The following PAPOLG variants were observed in gnomAD, a reference collection of about 807,000 sequenced individuals.
PAPOLG encodes the protein poly(A) polymerase gamma.
In PAPOLG, 40 loss-of-function variants were observed where a neutral mutation model predicts 99.0. That is an observed-to-expected ratio of 0.40 (90% CI 0.31 to 0.53). PAPOLG has a LOEUF of 0.53. PAPOLG is among the 20% of genes least tolerant of loss of function. The pLI, the probability that PAPOLG is intolerant of heterozygous loss-of-function variation, is 0.41. For synonymous variants in PAPOLG, 310 were observed against 299.3 expected (o/e 1.04, Z -0.37); for missense variants, 675 against 884.1 (o/e 0.76, Z 3.00).
chr2:60,768,745 A>G (rs1265393635), intron 4 of PAPOLG, 36 bp from the exon 5 acceptor site: 1 of 1,475,766 alleles, frequency 6.8e-7, no homozygotes, highest in East Asian at 2.4e-5. Flanking sequence ...TATAACACAT[A>G]ATATATTCTT....
At chr2:60,796,208 C>CTTTTTTTTTT (rs66526788) in intron 21 of PAPOLG, among the ~76,000 whole-genome samples, 1 of 110,316 alleles carries the variant, frequency 9.1e-6, no homozygotes, top group African/African-American at 3.3e-5. Flanking sequence ...TTTTGCCTTC[C>CTTTTTTTTTT]TTTTTTTTTT....
rs1295015040 is a variant in PAPOLG, at chr2:60,797,845, A to G, written c.*685A>G. On this transcript the variant is annotated 3_prime_UTR_variant, in exon 22 of 22. Transcript: ENST00000238714. ...TCCAGTGATTACATAAGAGTTGGGC[A>G]CCATAAATTCTCTATATTTTGCCTC... 6.5e-5 allele frequency: 10 copies of G among 152,816 alleles called. No homozygotes were observed. In the Admixed American group the frequency reaches 6.5e-4, roughly 10 times the overall value. 9.5% of individuals were successfully genotyped at this position (152,816 alleles called of 1,614,324 possible).
intron 3 of PAPOLG, among the ~76,000 whole-genome samples, chr2:60,762,182 C>T (rs1573217665): frequency 6.6e-6 from 1 of 152,126 alleles, no homozygotes; most frequent in South Asian, 2.1e-4. Context: ...TCTTCCATTG[C>T]CTCATGGCCC....
intron 14 of PAPOLG, 39 bp from the exon 15 acceptor site, chr2:60,787,472 A>T: frequency 6.4e-7 from 1 of 1,563,198 alleles, no homozygotes; most frequent in Admixed American, 1.8e-5. Flanking sequence ...TGTAAAAAAT[A>T]ATAATAATTA....
rs1671617099 is a variant in PAPOLG at position 60,793,909 on chromosome 2, G to A, written c.1769-62G>A. ...CTGGGTGATGGGAATGAGAGACCCT[G>A]TCTCAAGGAAAAAAAAATTACATAA... On this transcript the variant is annotated intron_variant, in intron 18 of 21. Transcript: ENST00000238714. 8 of 1,527,120 alleles carry A rather than the reference G, an allele frequency of 5.2e-6. No individual in the cohort carries two copies. The Admixed American group carries it at 1.3e-4, about 24-fold the overall frequency. 94.6% of individuals were successfully genotyped at this position (1,527,120 alleles called of 1,614,324 possible).
chr2:60,782,020 C>T lies in PAPOLG; in HGVS notation c.1027+15C>T, dbSNP rs1220730809. The T allele has an allele frequency of 4.3e-6, 7 of 1,611,758 alleles. No individual in the cohort carries two copies. In the Admixed American group the frequency reaches 8.3e-5, roughly 19 times the overall value. Reference sequence around the variant, plus strand: ...ATTTAAACAAGGTAAACATGTGGCCCTGTTGCCCTTTACATATTCCCACAA... The same window carrying T: ...ATTTAAACAAGGTAAACATGTGGCCTTGTTGCCCTTTACATATTCCCACAA... On this transcript the variant is annotated intron_variant, in intron 11 of 21. Coordinates refer to ENST00000238714, the MANE Select transcript of PAPOLG (RefSeq NM_022894.4).
rs939802487 is a variant in PAPOLG at position 60,797,223 on chromosome 2, T to C, written c.*63T>C. The C allele has an allele frequency of 3.9e-5, 61 of 1,571,934 alleles. No homozygotes were observed. Among genetic ancestry groups the C allele is most frequent in the Admixed American group, 5.0e-5 (3 of 59,414 alleles). ...TTAGTGGCATAGATGCAGCCACTTG[T>C]TTTTTAAATAGAAGTGGCTGTCATA... On this transcript the variant is annotated 3_prime_UTR_variant, in exon 22 of 22. Coordinates refer to ENST00000238714, the MANE Select transcript of PAPOLG (RefSeq NM_022894.4).
At chr2:60,758,513 C>T (rs912294108) in intron 1 of PAPOLG, among the ~76,000 whole-genome samples, 5 of 147,090 alleles carry the variant, frequency 3.4e-5, no homozygotes, top group African/African-American at 1.3e-4. Flanking sequence ...CTGCAACCTT[C>T]GTCTCCTGGG....
Position 60,756,277 on chromosome 2 carries a change from G to A in PAPOLG, c.-202G>A, listed in dbSNP as rs1172408176. 7.9e-6 allele frequency: 5 copies of A among 635,948 alleles called. No individual in the cohort carries two copies. Among genetic ancestry groups the A allele is most frequent in the Non-Finnish European group, 1.4e-5 (5 of 358,204 alleles). The allele number at this position is 635,948 out of a possible 1,614,324, so 39.4% of individuals were successfully genotyped here. A position where few individuals can be genotyped will look rare whatever the true frequency, so the allele number is the denominator to read the frequency against. On this transcript the variant is annotated 5_prime_UTR_variant, in exon 1 of 22. Coordinates refer to ENST00000238714, the MANE Select transcript of PAPOLG (RefSeq NM_022894.4). Reference sequence around the variant, plus strand: ...TGGGAAGCGGCGCCATATTGGCGTCGGCCGCGCTGTATTGTCATAAATAGA... The same window carrying A: ...TGGGAAGCGGCGCCATATTGGCGTCAGCCGCGCTGTATTGTCATAAATAGA...
intron 1 of PAPOLG, among the ~76,000 whole-genome samples, chr2:60,759,872 A>G (rs758372530): frequency 3.9e-5 from 6 of 152,202 alleles, no homozygotes; most frequent in African/African-American, 9.6e-5. Flanking sequence ...TGTTGGTACA[A>G]TTGTCTTGAT....
Position 60,760,245 on chromosome 2 carries a change from C to T in PAPOLG, c.129C>T (p.Asp43=), listed in dbSNP as rs779973799. ...IDHIYTQKLI[D]AMKPFGVFED... is the part of the protein sequence containing the mutation. ...ATATTTACACACAGAAATTAATTGA[C>T]GCCATGAAACCATTTGGAGTGTTTG... Residue 43 remains aspartate (D), a synonymous_variant, in exon 2 of 22, where the codon GAC becomes GAT. Transcript: ENST00000238714. 111 of 1,613,834 alleles carry T rather than the reference C, an allele frequency of 6.9e-5. No individual in the cohort carries two copies. Among genetic ancestry groups the T allele is most frequent in the Non-Finnish European group, 8.6e-5 (101 of 1,179,910 alleles).
intron 2 of PAPOLG, 24 bp from the exon 3 acceptor site, chr2:60,761,717 A>C: frequency 6.3e-7 from 1 of 1,577,888 alleles, no homozygotes; most frequent in Non-Finnish European, 8.7e-7. Flanking sequence ...TGTTTGTTTT[A>C]ATCTGAAGCA....
chr2:60,760,401 A>G, intron 2 of PAPOLG, 106 bp downstream of exon 2: 3 of 1,110,412 alleles, frequency 2.7e-6, no homozygotes, highest in Non-Finnish European at 3.9e-6. Context: ...TGCAGAAATG[A>G]CAAAAAGAAA....
At chr2:60,781,595 G>C (rs374968129) in intron 10 of PAPOLG, among the ~76,000 whole-genome samples, 6 of 152,132 alleles carry the variant, frequency 3.9e-5, no homozygotes, top group African/African-American at 1.4e-4. Context: ...GCTTTTTGTA[G>C]TTATAATACT....
intron 15 of PAPOLG, among the ~76,000 whole-genome samples, chr2:60,789,368 A>G (rs1671463509): frequency 6.6e-6 from 1 of 151,592 alleles, no homozygotes; most frequent in African/African-American, 2.4e-5. Flanking sequence ...ATAAATAAAA[A>G]ATAAAAAATA....
chr2:60,770,365 A>G, intron 5 of PAPOLG, 93 bp from the exon 6 acceptor site: 3 of 1,069,436 alleles, frequency 2.8e-6, no homozygotes, highest in Non-Finnish European at 3.9e-6. Context: ...GTTAAAATAC[A>G]AATCGGGAGT....
intron 17 of PAPOLG, among the ~76,000 whole-genome samples, 192 bp downstream of exon 17, chr2:60,792,481 T>C (rs1671571318): frequency 6.6e-6 from 1 of 152,228 alleles, no homozygotes; most frequent in South Asian, 2.1e-4. Flanking sequence ...CTTATGAGCA[T>C]ATGGGACTAG....
intron 13 of PAPOLG, among the ~76,000 whole-genome samples, chr2:60,786,124 G>C (rs1005049919): frequency 3.3e-5 from 5 of 151,732 alleles, no homozygotes; most frequent in Non-Finnish European, 7.4e-5. Context: ...TATGCTGTTT[G>C]GTTTACTTGA....
chr2:60,764,151 A>G (rs969244116), intron 3 of PAPOLG, among the ~76,000 whole-genome samples: 1 of 152,082 alleles, frequency 6.6e-6, no homozygotes, highest in Admixed American at 6.5e-5. Flanking sequence ...TGCGAAGGTT[A>G]TTTTACTGGC....
Sources: allele counts gnomAD v4.1 joint callset (sites outside exome capture counted in the v4.1 genomes callset), GRCh38; gene constraint gnomAD v4.1.1; transcripts MANE v1.5; gene names NCBI Gene and HGNC (gene_info 2026-07-23, HGNC 2026-07-21).